Variants in CDH23 observed in about 807,000 individuals in gnomAD.
CDH23 encodes the protein cadherin related 23.
In CDH23, 189 loss-of-function variants were observed where a neutral mutation model predicts 317.1. The ratio of observed to expected loss-of-function variants is 0.60; its 90% CI spans 0.53 to 0.67. The LOEUF (loss-of-function observed/expected upper bound fraction) is 0.67. Among genes scored for constraint, CDH23 ranks in the 30% least tolerant of loss-of-function variants. The pLI is 0.00. For synonymous variants in CDH23, 1,839 were observed against 1,876.8 expected (o/e 0.98, Z 0.52); for missense variants, 4,401 against 4,592.4 (o/e 0.96, Z 1.20).
At position 71,690,494 on chromosome 10, in the gene CDH23, A is replaced by G. The variant is rs372874226; in HGVS notation, c.2086A>G (p.Thr696Ala). The change falls in exon 20 of 70, where the codon ACA (threonine) becomes GCA (alanine). Residue 696 changes from threonine (T) to alanine (A), a missense_variant. Physicochemically the swap from Thr to Ala is moderately conservative, Grantham distance 58. Coordinates refer to ENST00000224721, the MANE Select transcript of CDH23 (RefSeq NM_022124.6). ...AGATVLFLNATDLDRSREYGQ... is the reference protein window; with the variant it reads ...AGATVLFLNAADLDRSREYGQ... ...AGCCACGGTGCTGTTCCTGAATGCC[A>G]CAGACCTGGACCGCTCCCGGGAGTA... 11 of 1,609,214 alleles carry G rather than the reference A, an allele frequency of 6.8e-6. No homozygotes were observed. In the African/African-American group the frequency reaches 1.3e-4, roughly 20 times the overall value.
intron 38 of CDH23, among the ~76,000 whole-genome samples, chr10:71,754,802 G>A (rs1840091751): frequency 6.6e-6 from 1 of 152,200 alleles, no homozygotes; most frequent in African/African-American, 2.4e-5. Context: ...GAAAGAGCAT[G>A]CGTTGAAAGC....
Position 71,566,836 on chromosome 10 carries a change from C to T in CDH23, c.524C>T (p.Ser175Phe), listed in dbSNP as rs571916721. 32 of 1,614,006 alleles carry T rather than the reference C, an allele frequency of 2.0e-5. No homozygotes were observed. The South Asian group carries it at 3.1e-4, about 16-fold the overall frequency. ...GTCCTCTACTCCTTCCAGCCCCCCTCCCAATTCTTCGCCATTGACAGCGCC... is the reference window on the plus strand; with the variant it reads ...GTCCTCTACTCCTTCCAGCCCCCCTTCCAATTCTTCGCCATTGACAGCGCC... ...GSVLYSFQPP[S>F]QFFAIDSARG... is the part of the protein sequence containing the mutation. The change falls in exon 7 of 70, where the codon TCC (serine) becomes TTC (phenylalanine). Residue 175 changes from serine (S) to phenylalanine (F), a missense_variant. Physicochemically the swap from Ser to Phe is radical, Grantham distance 155. Transcript: ENST00000224721.
chr10:71,421,307 T>C (rs1848804902), intron 1 of CDH23, among the ~76,000 whole-genome samples: 1 of 152,236 alleles, frequency 6.6e-6, no homozygotes, highest in Admixed American at 6.5e-5. Context: ...TTATTTAACC[T>C]GGCCTGTTGG....
intron 38 of CDH23, chr10:71,755,313 G>C (rs1194580209): frequency 6.6e-7 from 1 of 1,525,054 alleles, no homozygotes; most frequent in Non-Finnish European, 9.0e-7. Context: ...GGCTGGAGCA[G>C]GTCACTCGCA....
At chr10:71,465,417 G>C (rs1851199898) in intron 3 of CDH23, among the ~76,000 whole-genome samples, 1 of 152,236 alleles carries the variant, frequency 6.6e-6, no homozygotes, top group African/African-American at 2.4e-5. Flanking sequence ...ACATTCTCTA[G>C]CCACGAGGCA....
Position 71,753,031 on chromosome 10 carries a change from C to A in CDH23, c.4845+11110C>A. 2.5e-6 allele frequency: 4 copies of A among 1,609,776 alleles called. No homozygotes were observed. In the South Asian group the frequency reaches 3.3e-5, roughly 13 times the overall value. On this transcript the variant is annotated intron_variant, in intron 38 of 69. Transcript: ENST00000224721. ...GGGACAGACAGACAGAGAAGCTGGT[C>A]ATGGAAGGGAAGGCTTCCCCATACA...
At chr10:71,706,598 C>T (rs1348423985) in intron 25 of CDH23, among the ~76,000 whole-genome samples, 3 of 152,224 alleles carry the variant, frequency 2.0e-5, no homozygotes, top group Admixed American at 6.5e-5. Flanking sequence ...TTGTTAGGTG[C>T]GTACTGGAGA....
chr10:71,450,330 A>G (rs890171665), intron 3 of CDH23, among the ~76,000 whole-genome samples: 2 of 146,986 alleles, frequency 1.4e-5, no homozygotes, highest in Admixed American at 6.9e-5. Context: ...CAGTGGCACA[A>G]TCTTGGCTCA....
Position 71,777,660 on chromosome 10 carries a change from T to C in CDH23, c.4846-20T>C. 6.3e-7 allele frequency: 1 copy of C among 1,595,874 alleles called. No homozygotes were observed. Among genetic ancestry groups the C allele is most frequent in the African/African-American group, 1.3e-5 (1 of 74,606 alleles). ...CCCTCTGGCCACCTGACCAAGGACG[T>C]GACCCACTCTTTTCCACAGGCCACC... On this transcript the variant is annotated intron_variant, in intron 38 of 69. Transcript: ENST00000224721.
chr10:71,445,621 T>C (rs1375930671), intron 2 of CDH23, among the ~76,000 whole-genome samples: 1 of 152,176 alleles, frequency 6.6e-6, no homozygotes, highest in Non-Finnish European at 1.5e-5. Context: ...GGAGGATTGC[T>C]TGAGCCCAGG....
chr10:71,681,699 G>T (rs892379752), intron 17 of CDH23, among the ~76,000 whole-genome samples: 7 of 152,248 alleles, frequency 4.6e-5, no homozygotes, highest in Non-Finnish European at 8.8e-5. Flanking sequence ...CACTTGGGGA[G>T]GCCGAGGCGG....
intron 30 of CDH23, among the ~76,000 whole-genome samples, chr10:71,727,400 C>T (rs1866863954): frequency 6.6e-6 from 1 of 152,244 alleles, no homozygotes; most frequent in Non-Finnish European, 1.5e-5. Flanking sequence ...GCCCCTGGGG[C>T]AGGTGCTTGG....
At chr10:71,580,789 C>G (rs1275832889) in intron 9 of CDH23, among the ~76,000 whole-genome samples, 2 of 152,154 alleles carry the variant, frequency 1.3e-5, no homozygotes, top group Non-Finnish European at 2.9e-5. Flanking sequence ...AATGACAGCC[C>G]TGCTCTTTCT....
At chr10:71,678,044 C>G (rs1173377965) in intron 16 of CDH23, among the ~76,000 whole-genome samples, 1 of 152,192 alleles carries the variant, frequency 6.6e-6, no homozygotes, top group Non-Finnish European at 1.5e-5. Context: ...TGTGTTGGGC[C>G]TTCTCTGAGC....
chr10:71,765,226 C>G (rs1840505829), intron 38 of CDH23, among the ~76,000 whole-genome samples: 3 of 152,252 alleles, frequency 2.0e-5, no homozygotes, highest in Admixed American at 1.3e-4. Flanking sequence ...GACATCACCT[C>G]CTACCCCAGA....
chr10:71,702,182 T>C lies in CDH23; in HGVS notation c.2558T>C (p.Met853Thr). 6.2e-7 allele frequency: 1 copy of C among 1,613,804 alleles called. No individual in the cohort carries two copies. The highest frequency in any genetic ancestry group is 1.7e-4 in the Middle Eastern group (1 of 6,060). ...CCCGACCCCCATGAGGCCGAGCTGA[T>C]GCGCAAAATCGTCGTCTCTGTTACT... ...ENPDPHEAEL[M>T]RKIVVSVTDC... is the part of the protein sequence containing the mutation. The change falls in exon 23 of 70, where the codon ATG becomes ACG. Residue 853 changes from methionine to threonine, a missense_variant. Met to Thr is a moderately conservative substitution (Grantham distance 81). This residue lies in a region of CDH23 where 3,068 missense variants were observed against 3,203.3 expected (regional missense o/e 0.96). Coordinates refer to ENST00000224721, the MANE Select transcript of CDH23 (RefSeq NM_022124.6).
At chr10:71,489,333 C>G (rs1231943555) in intron 3 of CDH23, among the ~76,000 whole-genome samples, 9 of 152,134 alleles carry the variant, frequency 5.9e-5, no homozygotes, top group Admixed American at 5.9e-4. Flanking sequence ...TTCACTAATT[C>G]TCTTTCCAGC....
rs1215261787 is a variant in CDH23 at position 71,808,011 on chromosome 10, G to A, written c.8722+4G>A. ...GTGGGCCAGGTCTTCACCATGGGTAGGGCCTGGCAGCACATGAGTGGCCTC... is the reference window on the plus strand; with the variant it reads ...GTGGGCCAGGTCTTCACCATGGGTAAGGCCTGGCAGCACATGAGTGGCCTC... On this transcript the variant is annotated splice_donor_region_variant and intron_variant, in intron 60 of 69. Coordinates refer to ENST00000224721, the MANE Select transcript of CDH23 (RefSeq NM_022124.6). 3 of 1,577,802 alleles carry A rather than the reference G, an allele frequency of 1.9e-6. No individual in the cohort carries two copies. Among genetic ancestry groups the A allele is most frequent in the Admixed American group, 1.8e-5 (1 of 54,864 alleles).
intron 61 of CDH23, 49 bp from the exon 62 acceptor site, chr10:71,810,423 T>C (rs780713151): frequency 5.1e-6 from 8 of 1,558,020 alleles, no homozygotes; most frequent in Middle Eastern, 1.7e-4. Context: ...CCCATCCCTG[T>C]GGCCCCCTGC....
Sources: allele counts gnomAD v4.1 joint callset (sites outside exome capture counted in the v4.1 genomes callset), GRCh38; gene constraint gnomAD v4.1.1; regional missense constraint gnomAD v4.1.1; transcripts MANE v1.5; gene names NCBI Gene and HGNC (gene_info 2026-07-23, HGNC 2026-07-21).